PDP1: variants seen among roughly 807,000 people sequenced by gnomAD.
PDP1 encodes pyruvate dehyrogenase phosphatase catalytic subunit 1.
In PDP1, 14 loss-of-function variants were observed where a neutral mutation model predicts 37.1. That is an observed-to-expected ratio of 0.38 (90% CI 0.25 to 0.59). PDP1 has a LOEUF of 0.59. Among genes scored for constraint, PDP1 ranks in the 20% least tolerant of loss-of-function variants. PDP1 has a pLI of 0.67. For synonymous variants in PDP1, 251 were observed against 243.3 expected, an observed-to-expected ratio of 1.03 and a Z score of -0.29; for missense variants, 544 against 655.3, an observed-to-expected ratio of 0.83 and a Z score of 1.85.
chr8:93,917,207 C>G, intron 1 of PDP1, 128 bp downstream of exon 1: 1 of 219,994 alleles, frequency 4.5e-6, no homozygotes, highest in South Asian at 4.8e-5. Context: ...TGGACGAGCC[C>G]TGGAGCGCCA....
At chr8:93,917,923 G>A (rs781341112) in intron 1 of PDP1, 5 of 1,614,002 alleles carry the variant, frequency 3.1e-6, no homozygotes, top group Non-Finnish European at 4.2e-6. Context: ...GAATGTGTGT[G>A]TGTCCCGGGC....
rs141399719 is a variant in PDP1, at chr8:93,922,477, T to C, written c.418T>C (p.Leu140=). 1.8e-4 allele frequency: 289 copies of C among 1,614,134 alleles called. 1 individual carries two copies. The African/African-American group carries it at 3.5e-3, about 20-fold the overall frequency. The part of the protein sequence containing the change: ...ATCLQTRGML[L]GVFDGHAGCA... ...CTGCTTGCAGACCAGAGGGATGCTT[T>C]TGGGGGTTTTTGATGGCCATGCAGG... Residue 140 remains leucine, a synonymous_variant, in exon 2 of 2, where the codon TTG becomes CTG. Transcript: ENST00000297598. The surrounding 1 kb of genome is among the most constrained non-coding windows in gnomAD (Gnocchi z 4.0).
chr8:93,923,155 AAG>A lies in PDP1; in HGVS notation c.1101_1102del (p.Arg367SerfsTer11). On this transcript the variant is annotated frameshift_variant, in exon 2 of 2. Coordinates refer to ENST00000297598, the MANE Select transcript of PDP1 (RefSeq NM_018444.4). LOFTEE classifies it high-confidence loss of function. This position sits in a 1 kb window ranked among gnomAD's most constrained non-coding sequence, Gnocchi z 4.3. ...VKFKWSIDLQ[K>X]RVIESGPDQL... ...GTTCAAATGGAGCATTGACCTTCAA[AAG>A]AGAGTGATAGAATCTGGCCCAGACC... 6.2e-7 allele frequency: 1 copy of A among 1,614,186 alleles called. No homozygotes were observed. The highest frequency in any genetic ancestry group is 8.5e-7 in the Non-Finnish European group (1 of 1,180,034).
At position 93,921,219 on chromosome 8, in the gene PDP1, C is replaced by T. The variant is rs901501355; in HGVS notation, c.-44-797C>T. 5 of 973,238 alleles carry T rather than the reference C, an allele frequency of 5.1e-6. No individual in the cohort carries two copies. In the Admixed American group the frequency reaches 1.8e-4, roughly 36 times the overall value. 60.3% of individuals were successfully genotyped at this position (973,238 alleles called of 1,614,324 possible). ...GATAGCATCTGCTCTGTTGATGTTC[C>T]TTTACAGGTTAGAAGAGTGAGACTC... On this transcript the variant is annotated intron_variant, in intron 1 of 1. Coordinates refer to ENST00000297598, the MANE Select transcript of PDP1 (RefSeq NM_018444.4).
At chr8:93,921,464 A>AC in intron 1 of PDP1, 1 of 350,966 alleles carries the variant, frequency 2.8e-6, no homozygotes, top group Non-Finnish European at 4.0e-6. Flanking sequence ...TATGTATATG[A>AC]TGTACACGTA....
chr8:93,923,362 G>A lies in PDP1; in HGVS notation c.1303G>A (p.Glu435Lys). The change falls in exon 2 of 2, where the codon GAG becomes AAG. Residue 435 changes from glutamate (E) to lysine (K), a missense_variant. This residue lies in a region of PDP1 where 159 missense variants were observed against 165.5 expected (regional missense o/e 0.96). Transcript: ENST00000297598. The surrounding 1 kb of genome is among the most constrained non-coding windows in gnomAD (Gnocchi z 4.3). The part of the protein sequence containing the change: ...HRQDVVRIVG[E>K]YLTGMHHQQP... Reference sequence around the variant, plus strand: ...GCAGGATGTGGTTAGGATTGTGGGTGAGTACCTAACTGGCATGCATCACCA... The same window carrying A: ...GCAGGATGTGGTTAGGATTGTGGGTAAGTACCTAACTGGCATGCATCACCA... The A allele has an allele frequency of 3.7e-6, 6 of 1,613,822 alleles. No individual in the cohort carries two copies. Among genetic ancestry groups the A allele is most frequent in the Non-Finnish European group, 5.1e-6 (6 of 1,179,718 alleles).
rs769934912 is a variant in PDP1 at position 93,922,594 on chromosome 8, G to A, written c.535G>A (p.Ala179Thr). ...PHETLLEIEN[A>T]VESGRALLPI... ...TGAGACTTTGCTAGAGATTGAAAAT[G>A]CAGTGGAGAGCGGCCGGGCACTGCT... Residue 179 changes from alanine (A) to threonine (T), a missense_variant, in exon 2 of 2, where the codon GCA (alanine) becomes ACA (threonine). Physicochemically the swap from Ala to Thr is moderately conservative, Grantham distance 58 (BLOSUM62 0). This residue lies in a region of PDP1 where 342 missense variants were observed against 414.0 expected (regional missense o/e 0.83). Coordinates refer to ENST00000297598, the MANE Select transcript of PDP1 (RefSeq NM_018444.4). This position sits in a 1 kb window ranked among gnomAD's most constrained non-coding sequence, Gnocchi z 4.0. 6.2e-7 allele frequency: 1 copy of A among 1,614,126 alleles called. No homozygotes were observed. Among genetic ancestry groups the A allele is most frequent in the Non-Finnish European group, 8.5e-7 (1 of 1,180,028 alleles).
At chr8:93,919,429 C>G (rs935876168) in intron 1 of PDP1, among the ~76,000 whole-genome samples, 53 of 152,210 alleles carry the variant, frequency 3.5e-4, no homozygotes, top group Non-Finnish European at 5.9e-4. Flanking sequence ...TTGCGATGAG[C>G]TGAGATCACG....
intron 1 of PDP1, chr8:93,921,289 C>T (rs1023065800): frequency 5.1e-6 from 5 of 984,996 alleles, no homozygotes; most frequent in Non-Finnish European, 6.0e-6. Flanking sequence ...GAGTTGGTGG[C>T]AGACCTATGC....
At position 93,925,218 on chromosome 8, in the gene PDP1, T is replaced by C. The variant is rs997069286; in HGVS notation, c.*1545T>C. On this transcript the variant is annotated 3_prime_UTR_variant, in exon 2 of 2. Coordinates refer to ENST00000297598, the MANE Select transcript of PDP1 (RefSeq NM_018444.4). ...CTGTGGATACTGAATCAGTGTACTA[T>C]TGGCTGCAGAATTTGTTTCAATTGA... 4.8e-5 allele frequency: 8 copies of C among 167,020 alleles called. No homozygotes were observed. The highest frequency in any genetic ancestry group is 1.9e-4 in the African/African-American group (8 of 41,466). 10.3% of individuals were successfully genotyped at this position (167,020 alleles called of 1,614,324 possible).
At position 93,923,983 on chromosome 8, in the gene PDP1, T is replaced by G; in HGVS notation, c.*310T>G. On this transcript the variant is annotated 3_prime_UTR_variant, in exon 2 of 2. Coordinates refer to ENST00000297598, the MANE Select transcript of PDP1 (RefSeq NM_018444.4). This position sits in a 1 kb window ranked among gnomAD's most constrained non-coding sequence, Gnocchi z 4.3. ...TAGGATGACCTGGCAAATAAGATCT[T>G]GAATAGGCCAAAAGCAAGTATCTTG... 1 of 382,006 alleles carries G rather than the reference T, an allele frequency of 2.6e-6. No individual in the cohort carries two copies. The highest frequency in any genetic ancestry group is 6.6e-5 in the East Asian group (1 of 15,126). 23.7% of individuals were successfully genotyped at this position (382,006 alleles called of 1,614,324 possible). A position where few individuals can be genotyped will look rare whatever the true frequency, so the allele number is the denominator to read the frequency against.
chr8:93,921,822 T>G (rs373579413), intron 1 of PDP1, 194 bp from the exon 2 acceptor site: 4 of 514,874 alleles, frequency 7.8e-6, no homozygotes, highest in African/African-American at 1.9e-5. Context: ...GTTCCACGAA[T>G]GATTGGGAGT....
At chr8:93,921,963 A>G (rs773748317) in intron 1 of PDP1, 53 bp from the exon 2 acceptor site, 4 of 1,257,188 alleles carry the variant, frequency 3.2e-6, no homozygotes, top group Non-Finnish European at 4.5e-6. Context: ...TAGATTAAGT[A>G]TCCTGAAATG....
Position 93,923,541 on chromosome 8 carries a change from T to G in PDP1, c.1482T>G (p.Thr494=). The G allele has an allele frequency of 1.2e-6, 2 of 1,611,438 alleles. No individual in the cohort carries two copies. The highest frequency in any genetic ancestry group is 1.7e-6 in the Non-Finnish European group (2 of 1,177,602). Residue 494 remains threonine (T), a synonymous_variant, in exon 2 of 2, where the codon ACT becomes ACG. Coordinates refer to ENST00000297598, the MANE Select transcript of PDP1 (RefSeq NM_018444.4). This position sits in a 1 kb window ranked among gnomAD's most constrained non-coding sequence, Gnocchi z 4.3. ...RHAVGNNEFG[T]VDHERLSKML... ...CTGTGGGCAACAACGAGTTTGGGAC[T>G]GTTGATCATGAGCGCCTCTCTAAAA...
intron 1 of PDP1, among the ~76,000 whole-genome samples, chr8:93,921,530 T>G (rs928938038): frequency 2.6e-5 from 4 of 152,246 alleles, no homozygotes; most frequent in African/African-American, 9.6e-5. Flanking sequence ...CATAGCCATG[T>G]GTAATCATGC....
In PDP1 at chr8:93,924,059, T is replaced by C. The variant is rs956536787; in HGVS notation, c.*386T>C. The stretch of plus-strand genomic sequence containing the variant: ...GAAGAAACAGTACTGTTCACACCTT[T>C]CTTCACTGAGATTCCAGTGTACATG... On this transcript the variant is annotated 3_prime_UTR_variant, in exon 2 of 2. Coordinates refer to ENST00000297598, the MANE Select transcript of PDP1 (RefSeq NM_018444.4). 26 of 247,988 alleles carry C rather than the reference T, an allele frequency of 1.0e-4. No individual in the cohort carries two copies. The highest frequency in any genetic ancestry group is 4.7e-4 in the African/African-American group (21 of 44,384). 15.4% of individuals were successfully genotyped at this position (247,988 alleles called of 1,614,324 possible).
At chr8:93,917,190 G>T in intron 1 of PDP1, 111 bp downstream of exon 1, 1 of 379,842 alleles carries the variant, frequency 2.6e-6, no homozygotes, top group Non-Finnish European at 5.0e-6. Context: ...GCGGGCGTGC[G>T]GAGGGCTGGA....
Position 93,923,450 on chromosome 8 carries a change from A to T in PDP1, c.1391A>T (p.Glu464Val), listed in dbSNP as rs1810347517. 9 of 1,596,856 alleles carry T rather than the reference A, an allele frequency of 5.6e-6. No individual in the cohort carries two copies. Among genetic ancestry groups the T allele is most frequent in the Non-Finnish European group, 7.7e-6 (9 of 1,169,238 alleles). Residue 464 changes from glutamate (E) to valine (V), a missense_variant, in exon 2 of 2, where the codon GAA becomes GTA. By Grantham distance (121) the Glu-to-Val change is moderately radical. Around this residue, in one of 5 missense-constraint regions of PDP1, gnomAD observed 159 missense variants for 165.5 expected, o/e 0.96. Coordinates refer to ENST00000297598, the MANE Select transcript of PDP1 (RefSeq NM_018444.4). This position sits in a 1 kb window ranked among gnomAD's most constrained non-coding sequence, Gnocchi z 4.3. ...GGACAGATGCATGGCCTTTTAACAG[A>T]AAGGAGAACCAAAATGTCCTCGGTA... Reference protein sequence around the residue: ...TLGQMHGLLTERRTKMSSVFE... With the variant: ...TLGQMHGLLTVRRTKMSSVFE...
chr8:93,921,410 G>T (rs556548240), intron 1 of PDP1: 1 of 802,822 alleles, frequency 1.2e-6, no homozygotes, highest in Non-Finnish European at 1.5e-6. Context: ...TAATTATGTA[G>T]AAATTTTTCT....
Sources: allele counts gnomAD v4.1 joint callset (sites outside exome capture counted in the v4.1 genomes callset), GRCh38; gene constraint gnomAD v4.1.1; regional missense constraint gnomAD v4.1.1; non-coding constraint Gnocchi (gnomAD v3.1); transcripts MANE v1.5; gene names NCBI Gene and HGNC (gene_info 2026-07-23, HGNC 2026-07-21).